The following PRUNE2 variants were observed in gnomAD, a reference collection of about 807,000 sequenced individuals.
PRUNE2 encodes the protein protein prune homolog 2.
In PRUNE2, 164 loss-of-function variants were observed where a neutral mutation model predicts 252.0. The observed-to-expected ratio is 0.65, with a 90% CI of 0.57 to 0.74. The LOEUF is 0.74. PRUNE2 is among the 30% of genes least tolerant of loss of function. The pLI is 0.00. For synonymous variants in PRUNE2, 1,292 were observed against 1,350.2 expected (o/e 0.96, Z 0.94); for missense variants, 3,495 against 3,711.0 (o/e 0.94, Z 1.51).
At chr9:76,881,339 T>C (rs1026355712) in intron 1 of PRUNE2, among the ~76,000 whole-genome samples, 1 of 152,128 alleles carries the variant, frequency 6.6e-6, no homozygotes, top group African/African-American at 2.4e-5. Context: ...AATAAAATAA[T>C]AAAAATGCCA....
At chr9:76,666,600 G>A (rs2133797360) in intron 9 of PRUNE2, among the ~76,000 whole-genome samples, 1 of 152,306 alleles carries the variant, frequency 6.6e-6, no homozygotes, top group South Asian at 2.1e-4. Context: ...CGTGACTCAT[G>A]TGACCTTGTC....
At chr9:76,736,013 T>C (rs1005015551) in intron 6 of PRUNE2, among the ~76,000 whole-genome samples, 2 of 152,218 alleles carry the variant, frequency 1.3e-5, no homozygotes, top group Non-Finnish European at 2.9e-5. Flanking sequence ...TTATTTCACA[T>C]AACATTATCT....
chr9:76,636,643 T>A lies in PRUNE2; in HGVS notation c.8964-86A>T. On this transcript the variant is annotated intron_variant, in intron 14 of 18. Transcript: ENST00000376718. The stretch of plus-strand genomic sequence containing the variant: ...CATAAAACATATTCCTAAATAAGAA[T>A]ATATATAATTTAAGTCTGGCATGGT... 4 of 754,352 alleles carry A rather than the reference T, an allele frequency of 5.3e-6. No individual in the cohort carries two copies. The Admixed American group carries it at 9.7e-5, about 18-fold the overall frequency. The allele number at this position is 754,352 out of a possible 1,614,324, so 46.7% of individuals were successfully genotyped here. A position where few individuals can be genotyped will look rare whatever the true frequency, so the allele number is the denominator to read the frequency against.
At chr9:76,774,463 T>TATTTATTTATTTATTTATA (rs1487883612) in intron 6 of PRUNE2, among the ~76,000 whole-genome samples, 2 of 141,174 alleles carry the variant, frequency 1.4e-5, no homozygotes, top group African/African-American at 5.2e-5. Context: ...TTTTTTTTTT[T>TATTTATTTATTTATTTATA]TTTTTTTTTT....
chr9:76,723,871 G>A (rs1481046047), intron 6 of PRUNE2, among the ~76,000 whole-genome samples: 2 of 149,590 alleles, frequency 1.3e-5, no homozygotes, highest in East Asian at 2.0e-4. Flanking sequence ...GCAGTGGTGC[G>A]ATCTCGGCTC....
At chr9:76,767,458 A>AT (rs2052537403) in intron 6 of PRUNE2, among the ~76,000 whole-genome samples, 1 of 151,824 alleles carries the variant, frequency 6.6e-6, no homozygotes, top group Non-Finnish European at 1.5e-5. Context: ...TCTCAAAAAA[A>AT]AAAAGAAAGA....
At chr9:76,767,000 G>A (rs2052473986) in intron 6 of PRUNE2, among the ~76,000 whole-genome samples, 1 of 152,130 alleles carries the variant, frequency 6.6e-6, no homozygotes, top group Non-Finnish European at 1.5e-5. Context: ...CAAGGCGAAG[G>A]TAGGCTTCGT....
intron 11 of PRUNE2, among the ~76,000 whole-genome samples, chr9:76,649,372 A>G (rs1314659409): frequency 6.6e-6 from 1 of 152,160 alleles, no homozygotes; most frequent in African/African-American, 2.4e-5. Context: ...CTATTAAAAC[A>G]GTACAGGTTT....
At chr9:76,759,948 G>A (rs2051535269) in intron 6 of PRUNE2, 1 of 152,332 alleles carries the variant, frequency 6.6e-6, no homozygotes, top group Admixed American at 6.5e-5. Flanking sequence ...GCACACAGCT[G>A]CCAAACAGAT....
intron 9 of PRUNE2, among the ~76,000 whole-genome samples, chr9:76,659,741 T>C (rs1196399782): frequency 6.6e-6 from 1 of 152,082 alleles, no homozygotes; most frequent in Non-Finnish European, 1.5e-5. Flanking sequence ...GTGTCAGCAC[T>C]GAAGAACATG....
intron 10 of PRUNE2, 47 bp from the exon 11 acceptor site, chr9:76,652,730 CA>C: frequency 7.5e-7 from 1 of 1,336,448 alleles, no homozygotes; most frequent in Admixed American, 1.8e-5. Flanking sequence ...ACCAGAGGAG[CA>C]ATCTAAATCA....
At chr9:76,789,169 C>T (rs940921728) in intron 6 of PRUNE2, among the ~76,000 whole-genome samples, 2 of 152,138 alleles carry the variant, frequency 1.3e-5, no homozygotes, top group African/African-American at 4.8e-5. Context: ...CCATCTTGAG[C>T]CAATATAAAA....
Position 76,624,436 on chromosome 9 carries a change from G to A in PRUNE2, c.9188+16C>T, listed in dbSNP as rs768521089. 5.7e-6 allele frequency: 8 copies of A among 1,408,554 alleles called. No individual in the cohort carries two copies. The highest frequency in any genetic ancestry group is 2.9e-5 in the African/African-American group (2 of 68,550). 87.3% of individuals were successfully genotyped at this position (1,408,554 alleles called of 1,614,324 possible). ...GCCAACATCATGCCAGCCGCTAAAC[G>A]AAAACCAAGTCTTACTTAGCTGCCT... On this transcript the variant is annotated intron_variant, in intron 17 of 18. Coordinates refer to ENST00000376718, the MANE Select transcript of PRUNE2 (RefSeq NM_015225.3).
chr9:76,765,224 G>C (rs2052211509), intron 6 of PRUNE2, among the ~76,000 whole-genome samples: 1 of 152,146 alleles, frequency 6.6e-6, no homozygotes, highest in Non-Finnish European at 1.5e-5. Context: ...ACAAGAGGAG[G>C]AGCCAGCAAA....
intron 9 of PRUNE2, among the ~76,000 whole-genome samples, chr9:76,702,726 CTAACTA>C (rs1289911107): frequency 1.3e-5 from 2 of 152,182 alleles, no homozygotes; most frequent in African/African-American, 2.4e-5. Flanking sequence ...TGTCTCTTAT[CTAACTA>C]TAAGTTAGGT....
chr9:76,708,418 G>A lies in PRUNE2; in HGVS notation c.3856C>T (p.Gln1286Ter), dbSNP rs2046462548. The change falls in exon 8 of 19, where the codon CAG becomes TAG. Residue 1286 changes from glutamine (Q) to a stop codon, truncating the protein, a stop_gained. Transcript: ENST00000376718. LOFTEE classifies it high-confidence loss of function. ...SEALISHLDK[Q>*]DTERETLQSD... The stretch of plus-strand genomic sequence containing the variant: ...TGCAGGGTTTCCCTCTCTGTGTCCT[G>A]CTTGTCAAGATGAGATATAAGTGCC... 1 of 1,613,728 alleles carries A rather than the reference G, an allele frequency of 6.2e-7. No individual in the cohort carries two copies. The highest frequency in any genetic ancestry group is 8.5e-7 in the Non-Finnish European group (1 of 1,179,882).
intron 1 of PRUNE2, among the ~76,000 whole-genome samples, chr9:76,865,806 T>TACACACACACAC (rs34661457): frequency 6.1e-4 from 77 of 127,214 alleles, no homozygotes; most frequent in Middle Eastern, 8.1e-3. Context: ...TCTCTCTCCC[T>TACACACACACAC]ACACACACAC....
intron 1 of PRUNE2, among the ~76,000 whole-genome samples, chr9:76,869,431 C>T (rs1001083659): frequency 3.3e-5 from 5 of 152,194 alleles, no homozygotes; most frequent in Admixed American, 1.3e-4. Context: ...GAACTCTCAC[C>T]TTCCAGGTGA....
intron 1 of PRUNE2, among the ~76,000 whole-genome samples, chr9:76,871,027 C>T (rs1338279104): frequency 6.6e-6 from 1 of 152,172 alleles, no homozygotes; most frequent in African/African-American, 2.4e-5. Flanking sequence ...ATTCTCAGAA[C>T]CCTGTGTGGG....
Sources: gnomAD v4.1 joint callset for allele counts (sites outside exome capture counted in the v4.1 genomes callset) on GRCh38, gnomAD v4.1.1 for gene constraint, MANE v1.5 for transcripts, NCBI Gene and HGNC (gene_info 2026-07-23, HGNC 2026-07-21) for gene names.